DCAF6: variants seen among roughly 807,000 people sequenced by gnomAD.
DCAF6 encodes the protein DDB1 and CUL4 associated factor 6, also known as DDB1- and CUL4-associated factor 6.
DCAF6 carries 54 observed loss-of-function variants against 125.1 expected under a neutral mutation model. That is an observed-to-expected ratio of 0.43 (90% confidence interval 0.35 to 0.54). The LOEUF (loss-of-function observed/expected upper bound fraction) is 0.54, where lower values mean the gene tolerates loss of function less well. Ranked by LOEUF, DCAF6 falls within the 20% of genes least tolerant of loss-of-function variation. DCAF6 has a pLI of 0.01. For synonymous variants in DCAF6, 371 were observed against 390.4 expected (o/e 0.95, Z 0.58); for missense variants, 934 against 1,161.7 (o/e 0.80, Z 2.85).
At chr1:167,944,662 G>C (rs916166105) in intron 1 of DCAF6, among the ~76,000 whole-genome samples, 9 of 151,904 alleles carry the variant, frequency 5.9e-5, no homozygotes, top group African/African-American at 1.9e-4. Flanking sequence ...AGATTTTTTT[G>C]GTTGTTGAAT....
In DCAF6 at chr1:167,991,297, G is replaced by A. The variant is rs1571837615; in HGVS notation, c.646G>A (p.Val216Ile). The change falls in exon 6 of 22, where the codon GTA becomes ATA. Residue 216 changes from valine (V) to isoleucine (I), a missense_variant. Physicochemically the swap from Val to Ile is conservative, Grantham distance 29. Coordinates refer to ENST00000367840, the MANE Select transcript of DCAF6 (RefSeq NM_001198956.2). ...YLAVGCSDSS[V>I]RIYDRRMLGT... The stretch of plus-strand genomic sequence containing the variant: ...TGCTGTTGGTTGTTCTGACAGCTCA[G>A]TACGAATATATGATCGGCGAATGCT... 6.2e-7 allele frequency: 1 copy of A among 1,613,384 alleles called. No individual in the cohort carries two copies. Among genetic ancestry groups the A allele is most frequent in the Admixed American group, 1.7e-5 (1 of 59,954 alleles).
chr1:168,025,145 A>G (rs1339399498), intron 12 of DCAF6, among the ~76,000 whole-genome samples: 1 of 152,176 alleles, frequency 6.6e-6, no homozygotes, highest in East Asian at 1.9e-4. Context: ...CAGAGATTTT[A>G]TAGCCAGATT....
chr1:167,866,088 A>C, the DCAF6 span, among the ~76,000 whole-genome samples: 136 of 152,348 alleles, frequency 8.9e-4, no homozygotes, highest in East Asian at 1.9e-3. Flanking sequence ...CTTATCAATC[A>C]GTCAGCCCTT....
chr1:167,957,918 G>A (rs150374729), intron 2 of DCAF6, among the ~76,000 whole-genome samples: 42 of 152,114 alleles, frequency 2.8e-4, no homozygotes, highest in African/African-American at 9.1e-4. Context: ...TGCATATGAA[G>A]GTATGAGTCA....
chr1:167,890,229 C>G, the DCAF6 span, among the ~76,000 whole-genome samples: 1 of 152,196 alleles, frequency 6.6e-6, no homozygotes, highest in African/African-American at 2.4e-5. Context: ...TTCAAAAAAA[C>G]TTGGGTGTTG....
chr1:167,972,539 A>G (rs764145800), intron 3 of DCAF6, among the ~76,000 whole-genome samples: 16 of 152,188 alleles, frequency 1.1e-4, no homozygotes, highest in Non-Finnish European at 2.2e-4. Context: ...AGTTTGAACT[A>G]GATTGGAAGT....
chr1:167,901,604 C>T, the DCAF6 span: 13 of 1,545,696 alleles, frequency 8.4e-6, no homozygotes, highest in Admixed American at 1.7e-5. Context: ...GAGAGATGCC[C>T]CAGGAGTCAA....
intron 1 of DCAF6, among the ~76,000 whole-genome samples, chr1:167,949,869 T>C (rs999865386): frequency 6.6e-6 from 1 of 152,224 alleles, no homozygotes; most frequent in African/African-American, 2.4e-5. Flanking sequence ...TTTCTTGGTA[T>C]TACATTTAAT....
intron 12 of DCAF6, among the ~76,000 whole-genome samples, chr1:168,033,572 C>T (rs530755451): frequency 6.3e-4 from 96 of 152,188 alleles, no homozygotes; most frequent in African/African-American, 2.1e-3. Flanking sequence ...CCGCCTCGGC[C>T]TCCCAAAGTG....
chr1:167,966,521 C>T (rs746159036), intron 2 of DCAF6, 108 bp from the exon 3 acceptor site: 21 of 730,816 alleles, frequency 2.9e-5, no homozygotes, highest in East Asian at 1.5e-4. Context: ...TACTTTTTAA[C>T]GTATAACCTC....
At chr1:167,934,604 C>T (rs544842936), upstream of DCAF6, among the ~76,000 whole-genome samples, 11 of 152,304 alleles carry the variant, frequency 7.2e-5, no homozygotes, top group South Asian at 8.3e-4. Context: ...CATTATCAAA[C>T]TGGAAATCAG....
intron 21 of DCAF6, among the ~76,000 whole-genome samples, chr1:168,073,455 T>G (rs1212082868): frequency 6.6e-6 from 1 of 152,212 alleles, no homozygotes. Context: ...TCTGCTTTCC[T>G]CATTTCAGAA....
At chr1:168,024,990 A>G (rs1182011634) in intron 12 of DCAF6, among the ~76,000 whole-genome samples, 4 of 152,252 alleles carry the variant, frequency 2.6e-5, no homozygotes, top group Admixed American at 2.0e-4. Context: ...GTTATTTTAT[A>G]TGTTTATTAC....
At chr1:168,068,267 T>A in intron 20 of DCAF6, 91 bp from the exon 21 acceptor site, 1 of 801,674 alleles carries the variant, frequency 1.2e-6, no homozygotes, top group South Asian at 1.5e-5. Flanking sequence ...TTCCTCCTGG[T>A]ACTGGCTGAT....
At chr1:167,939,168 A>G (rs544985567) in intron 1 of DCAF6, among the ~76,000 whole-genome samples, 5 of 152,284 alleles carry the variant, frequency 3.3e-5, no homozygotes, top group African/African-American at 7.2e-5. Flanking sequence ...CAGCTCTTCT[A>G]TACTACAGTG....
chr1:167,877,408 A>C, the DCAF6 span, among the ~76,000 whole-genome samples: 1 of 151,816 alleles, frequency 6.6e-6, no homozygotes, highest in Non-Finnish European at 1.5e-5. Flanking sequence ...TGAAGGGAAT[A>C]ATAAAGACAC....
At chr1:168,014,758 A>G (rs1684735825) in intron 10 of DCAF6, among the ~76,000 whole-genome samples, 1 of 152,104 alleles carries the variant, frequency 6.6e-6, no homozygotes, top group African/African-American at 2.4e-5. Flanking sequence ...TTTCCCCTTG[A>G]GTATTTGCAC....
the DCAF6 span, chr1:167,880,032 T>C: frequency 1.7e-6 from 2 of 1,207,316 alleles, no homozygotes; most frequent in Non-Finnish European, 2.4e-6. Flanking sequence ...GTCTCACTCA[T>C]TTTTGTGCTT....
intron 7 of DCAF6, 53 bp from the exon 8 acceptor site, chr1:168,002,429 G>T (rs970764572): frequency 1.4e-6 from 2 of 1,451,474 alleles, no homozygotes; most frequent in Admixed American, 1.7e-5. Context: ...TTTAAGAGTT[G>T]AGAGTAGATG....
Sources: allele counts gnomAD v4.1 joint callset (sites outside exome capture counted in the v4.1 genomes callset), GRCh38; gene constraint gnomAD v4.1.1; transcripts MANE v1.5; gene names NCBI Gene and HGNC (gene_info 2026-07-23, HGNC 2026-07-21).